GRIN2B: variants seen among roughly 807,000 people sequenced by gnomAD.
GRIN2B encodes the protein glutamate receptor ionotropic, NMDA 2B.
A neutral mutation model predicts 114.5 loss-of-function variants in GRIN2B; 5 were observed. That is an observed-to-expected ratio of 0.04 (90% CI 0.02 to 0.09). The LOEUF (loss-of-function observed/expected upper bound fraction) is 0.09, where lower values mean the gene tolerates loss of function less well. GRIN2B is among the 10% of genes least tolerant of loss of function. The pLI, the probability that GRIN2B is intolerant of heterozygous loss-of-function variation, is 1.00. For synonymous variants in GRIN2B, 787 were observed against 745.1 expected (o/e 1.06, Z -0.92); for missense variants, 1,108 against 1,943.5 (o/e 0.57, Z 8.08).
chr12:13,678,076 A>G (rs1346916730), intron 4 of GRIN2B, among the ~76,000 whole-genome samples: 1 of 152,192 alleles, frequency 6.6e-6, no homozygotes, highest in Non-Finnish European at 1.5e-5. Flanking sequence ...AAATCTTGGA[A>G]TAGCCAACCC....
At chr12:13,812,794 T>C (rs1417427819) in intron 3 of GRIN2B, among the ~76,000 whole-genome samples, 1 of 152,130 alleles carries the variant, frequency 6.6e-6, no homozygotes, top group East Asian at 1.9e-4. Flanking sequence ...ACTATTTGCA[T>C]TGGAAATGGA....
intron 2 of GRIN2B, among the ~76,000 whole-genome samples, chr12:13,949,192 A>T (rs1319672904): frequency 1.3e-5 from 2 of 152,192 alleles, no homozygotes; most frequent in Non-Finnish European, 2.9e-5. Context: ...CTGGACAGAA[A>T]TGAGGGGAGA....
chr12:13,755,278 T>C (rs936538317), intron 3 of GRIN2B, among the ~76,000 whole-genome samples: 2 of 152,176 alleles, frequency 1.3e-5, no homozygotes, highest in Non-Finnish European at 2.9e-5. Context: ...GCACCCCTTA[T>C]TGAAAAAAAT....
At chr12:13,874,102 C>G (rs1865956741) in intron 2 of GRIN2B, among the ~76,000 whole-genome samples, 1 of 152,172 alleles carries the variant, frequency 6.6e-6, no homozygotes, top group South Asian at 2.1e-4. Flanking sequence ...GAAGATGGCC[C>G]CATCACTGCC....
At chr12:13,927,982 A>AAAAAAAG (rs71067738) in intron 2 of GRIN2B, among the ~76,000 whole-genome samples, 1 of 129,804 alleles carries the variant, frequency 7.7e-6, no homozygotes, top group Non-Finnish European at 1.7e-5. Context: ...AAAAAAAAAA[A>AAAAAAAG]GGGGGGGTAT....
chr12:13,781,862 G>A (rs1864121880), intron 3 of GRIN2B, among the ~76,000 whole-genome samples: 1 of 152,190 alleles, frequency 6.6e-6, no homozygotes, highest in Non-Finnish European at 1.5e-5. Context: ...CCTTCACTCA[G>A]TGAGATGTTG....
At chr12:13,939,964 G>A (rs986533306) in intron 2 of GRIN2B, among the ~76,000 whole-genome samples, 10 of 152,112 alleles carry the variant, frequency 6.6e-5, no homozygotes, top group African/African-American at 2.2e-4. Context: ...CGGCATCAAG[G>A]CAGGAGCTGG....
intron 3 of GRIN2B, among the ~76,000 whole-genome samples, chr12:13,795,318 T>A (rs370391323): frequency 6.6e-6 from 1 of 152,176 alleles, no homozygotes. Context: ...AAGAAGGCAG[T>A]TATTAAAACA....
chr12:13,653,389 C>T (rs1282281489), intron 5 of GRIN2B, among the ~76,000 whole-genome samples: 1 of 151,912 alleles, frequency 6.6e-6, no homozygotes, highest in African/African-American at 2.4e-5. Context: ...TCAGGCTATG[C>T]AGATTTGAAA....
At chr12:13,575,215 TAAG>T (rs1948759777) in intron 10 of GRIN2B, among the ~76,000 whole-genome samples, 1 of 152,026 alleles carries the variant, frequency 6.6e-6, no homozygotes, top group Non-Finnish European at 1.5e-5. Context: ...TTCATAAAAA[TAAG>T]AACTTTTTGA....
intron 5 of GRIN2B, among the ~76,000 whole-genome samples, chr12:13,642,990 A>G (rs1320110195): frequency 3.3e-5 from 5 of 152,182 alleles, no homozygotes; most frequent in East Asian, 1.9e-4. Context: ...TACACCATCA[A>G]TTATAGCAGC....
Position 13,765,690 on chromosome 12 carries a change from G to A in GRIN2B, c.412-11775C>T, listed in dbSNP as rs143146965. 2.8e-4 allele frequency among the ~76,000 whole-genome samples: 42 copies of A among 152,286 alleles called. No individual in the cohort carries two copies. In the East Asian group the frequency reaches 7.1e-3, roughly 26 times the overall value. ...TTATAGCAGGCTCCATGCTGTCCAT[G>A]CAGTATGTGAATATATTTTCATATT... On this transcript the variant is annotated intron_variant, in intron 3 of 13. Coordinates refer to ENST00000609686, the MANE Select transcript of GRIN2B (RefSeq NM_000834.5).
intron 11 of GRIN2B, among the ~76,000 whole-genome samples, chr12:13,571,536 A>C (rs949043247): frequency 6.6e-6 from 1 of 152,192 alleles, no homozygotes; most frequent in African/African-American, 2.4e-5. Flanking sequence ...CTACTTCTAC[A>C]TTTATTTCAC....
intron 5 of GRIN2B, among the ~76,000 whole-genome samples, chr12:13,637,669 T>C (rs767668496): frequency 6.6e-6 from 1 of 152,154 alleles, no homozygotes; most frequent in Non-Finnish European, 1.5e-5. Context: ...ATTATTATCA[T>C]TCATAACCTA....
At chr12:13,587,686 T>A (rs1186324113) in intron 10 of GRIN2B, among the ~76,000 whole-genome samples, 1 of 152,316 alleles carries the variant, frequency 6.6e-6, no homozygotes, top group African/African-American at 2.4e-5. Flanking sequence ...CGAGTTTATG[T>A]CGGAAAAACA....
At chr12:13,781,475 T>C (rs2216127) in intron 3 of GRIN2B, among the ~76,000 whole-genome samples, 133,404 of 152,270 alleles carry the variant, frequency 0.88, 58,558 homozygotes, top group East Asian at 1. Context: ...TGACTGTAAG[T>C]GGAACACACT....
chr12:13,552,736 G>GCTAT lies in GRIN2B; in HGVS notation c.*10043_*10046dup, dbSNP rs1417613133. 6.6e-6 allele frequency: 1 copy of GCTAT among 152,048 alleles called. No individual in the cohort carries two copies. Among genetic ancestry groups the GCTAT allele is most frequent in the African/African-American group, 2.4e-5 (1 of 41,386 alleles). The allele number at this position is 152,048 out of a possible 1,614,324, so 9.4% of individuals were successfully genotyped here. A position where few individuals can be genotyped will look rare whatever the true frequency, so the allele number is the denominator to read the frequency against. On this transcript the variant is annotated 3_prime_UTR_variant, in exon 14 of 14. Coordinates refer to ENST00000609686, the MANE Select transcript of GRIN2B (RefSeq NM_000834.5). The stretch of plus-strand genomic sequence containing the variant: ...AACTATTCTCATTTTCAGGAGCAAG[G>GCTAT]CTATCTAGACCCCATAGGACTTTTG...
At chr12:13,718,989 C>T (rs534736980) in intron 4 of GRIN2B, among the ~76,000 whole-genome samples, 2 of 152,142 alleles carry the variant, frequency 1.3e-5, no homozygotes, top group African/African-American at 4.8e-5. Context: ...CATGCTAAGT[C>T]TCAACCACTC....
Position 13,968,759 on chromosome 12 carries a change from G to A in GRIN2B, c.-19+11169C>T, listed in dbSNP as rs577599846. On this transcript the variant is annotated intron_variant, in intron 2 of 13. Coordinates refer to ENST00000609686, the MANE Select transcript of GRIN2B (RefSeq NM_000834.5). Reference sequence around the variant, plus strand: ...TTTGAAACAAAACTAGCTCACTCACGTCCTTTTTGGAATTTCCTCTTTAAC... The same window carrying A: ...TTTGAAACAAAACTAGCTCACTCACATCCTTTTTGGAATTTCCTCTTTAAC... Among the ~76,000 whole-genome samples, 9 of 152,230 alleles carry A rather than the reference G, an allele frequency of 5.9e-5. No individual in the cohort carries two copies. The South Asian group carries it at 1.2e-3, about 21-fold the overall frequency.
Sources: gnomAD v4.1 joint callset for allele counts (sites outside exome capture counted in the v4.1 genomes callset) on GRCh38, gnomAD v4.1.1 for gene constraint, MANE v1.5 for transcripts, NCBI Gene and HGNC (gene_info 2026-07-23, HGNC 2026-07-21) for gene names.